MYOT: variants seen among roughly 807,000 people sequenced by gnomAD.
MYOT encodes myotilin.
Under a neutral mutation model 58.0 loss-of-function variants are expected in MYOT, and 36 were observed. The ratio of observed to expected loss-of-function variants is 0.62; its 90% confidence interval spans 0.48 to 0.82. The LOEUF (loss-of-function observed/expected upper bound fraction) is 0.82. MYOT is among the 40% of genes least tolerant of loss of function. The pLI, the probability that MYOT is intolerant of heterozygous loss-of-function variation, is 0.00. For synonymous variants in MYOT, 218 were observed against 204.6 expected (o/e 1.07, Z -0.56); for missense variants, 505 against 592.1 (o/e 0.85, Z 1.53).
chr5:137,886,447 C>T (rs542978635), intron 8 of MYOT, among the ~76,000 whole-genome samples: 2 of 152,076 alleles, frequency 1.3e-5, no homozygotes, highest in African/African-American at 2.4e-5. Flanking sequence ...TTTTTATCAA[C>T]GATGATGAAA....
Position 137,883,424 on chromosome 5 carries a change from A to C in MYOT, c.857A>C (p.Asn286Thr). 6.2e-7 allele frequency: 1 copy of C among 1,614,138 alleles called. No homozygotes were observed. Among genetic ancestry groups the C allele is most frequent in the Non-Finnish European group, 8.5e-7 (1 of 1,180,020 alleles). ...LPAPDVSWYL[N>T]GRTVQSDDLH... ...GCTCCTGATGTGTCATGGTATCTAA[A>C]TGGAAGAACAGTTCAATCAGATGAT... The change falls in exon 7 of 10, where the codon AAT (asparagine) becomes ACT (threonine). Residue 286 changes from asparagine (N) to threonine (T), a missense_variant. Coordinates refer to ENST00000239926, the MANE Select transcript of MYOT (RefSeq NM_006790.3).
Position 137,887,006 on chromosome 5 carries a change from T to A in MYOT, c.1324+9T>A. 6.2e-7 allele frequency: 1 copy of A among 1,612,128 alleles called. No homozygotes were observed. Among genetic ancestry groups the A allele is most frequent in the Non-Finnish European group, 8.5e-7 (1 of 1,178,180 alleles). On this transcript the variant is annotated intron_variant, in intron 9 of 9. Transcript: ENST00000239926. ...AAGATTAGACGTTACGGGTATGTCA[T>A]ACTATTAACCAAAGTATTATAAGGG...
chr5:137,881,785 C>T (rs187444942), intron 5 of MYOT, among the ~76,000 whole-genome samples, 188 bp from the exon 6 acceptor site: 28 of 152,178 alleles, frequency 1.8e-4, no homozygotes, highest in Admixed American at 1.5e-3. Flanking sequence ...CAACCTCCGC[C>T]TCCCGGGTTC....
intron 5 of MYOT, 25 bp downstream of exon 5, chr5:137,880,890 A>G (rs976303663): frequency 6.7e-7 from 1 of 1,493,604 alleles, no homozygotes; most frequent in Non-Finnish European, 9.3e-7. Context: ...TTTTAAAGAA[A>G]TGTATGTTTT....
chr5:137,873,881 AATG>A (rs957311791), intron 2 of MYOT, among the ~76,000 whole-genome samples: 2 of 152,198 alleles, frequency 1.3e-5, no homozygotes, highest in Non-Finnish European at 2.9e-5. Flanking sequence ...TAAATGATAT[AATG>A]ATAACAAATA....
Position 137,875,946 on chromosome 5 carries a change from T to A in MYOT, c.474T>A (p.Ile158=). The change falls in exon 3 of 10, where the codon ATT becomes ATA. Residue 158 remains isoleucine, a synonymous_variant. Transcript: ENST00000239926. ...HEIQGSKEAL[I]QDLERKLKCK... ...TACAAGGATCAAAAGAAGCTTTGAT[T>A]CAAGATTTGGAAAGAAAGCTGAAAT... The A allele has an allele frequency of 6.2e-7, 1 of 1,614,038 alleles. No individual in the cohort carries two copies. Among genetic ancestry groups the A allele is most frequent in the Non-Finnish European group, 8.5e-7 (1 of 1,179,956 alleles).
intron 6 of MYOT, among the ~76,000 whole-genome samples, chr5:137,882,484 T>C (rs1755469144): frequency 6.6e-6 from 1 of 152,066 alleles, no homozygotes; most frequent in South Asian, 2.1e-4. Flanking sequence ...GGTCTTGCTC[T>C]GTCACCCAGG....
rs1274774904 is a variant in MYOT at position 137,880,979 on chromosome 5, A to G, written c.683+114A>G. On this transcript the variant is annotated intron_variant, in intron 5 of 9. Coordinates refer to ENST00000239926, the MANE Select transcript of MYOT (RefSeq NM_006790.3). ...CTACTCTATACCTTTTGAAAAATAC[A>G]ATGTGTATTTTCTAATGTCTGAGAA... is the stretch of plus-strand genomic sequence containing the variant. 4 of 772,544 alleles carry G rather than the reference A, an allele frequency of 5.2e-6. No individual in the cohort carries two copies. The Admixed American group carries it at 7.7e-5, about 15-fold the overall frequency. 47.9% of individuals were successfully genotyped at this position (772,544 alleles called of 1,614,324 possible).
intron 3 of MYOT, chr5:137,876,319 T>C: frequency 2.8e-6 from 1 of 360,458 alleles, no homozygotes; most frequent in Non-Finnish European, 5.2e-6. Flanking sequence ...GTCAACTTAG[T>C]GTACTTTGAT....
intron 8 of MYOT, 76 bp downstream of exon 8, chr5:137,886,289 T>C (rs1160276763): frequency 9.6e-7 from 1 of 1,042,236 alleles, no homozygotes; most frequent in Non-Finnish European, 1.4e-6. Context: ...GCATTATAAA[T>C]GGCATGCATT....
At chr5:137,870,228 G>T (rs969259505) in intron 1 of MYOT, among the ~76,000 whole-genome samples, 1 of 151,202 alleles carries the variant, frequency 6.6e-6, no homozygotes, top group Admixed American at 6.6e-5. Flanking sequence ...TGGAAGGATC[G>T]CTTGTGCCCA....
chr5:137,887,287 A>G lies in MYOT; in HGVS notation c.1399A>G (p.Asn467Asp). Residue 467 changes from asparagine to aspartate, a missense_variant, in exon 10 of 10, where the codon AAT becomes GAT. Physicochemically the swap from Asn to Asp is conservative, Grantham distance 23 (BLOSUM62 1). Coordinates refer to ENST00000239926, the MANE Select transcript of MYOT (RefSeq NM_006790.3). ...RPTFSKYLALNGKGLNVKQAF... is the reference protein window; with the variant it reads ...RPTFSKYLALDGKGLNVKQAF... ...AACATTCAGCAAATATTTAGCACTT[A>G]ATGGGAAAGGTTTGAATGTAAAACA... The G allele has an allele frequency of 1.2e-6, 2 of 1,614,040 alleles. No homozygotes were observed. Among genetic ancestry groups the G allele is most frequent in the Non-Finnish European group, 1.7e-6 (2 of 1,179,980 alleles).
rs372057558 is a variant in MYOT at position 137,882,031 on chromosome 5, T to C, written c.742T>C (p.Tyr248His). Residue 248 changes from tyrosine (Y) to histidine (H), a missense_variant, in exon 6 of 10, where the codon TAC becomes CAC. Coordinates refer to ENST00000239926, the MANE Select transcript of MYOT (RefSeq NM_006790.3). ...TCAGGATGCAATCCAGGAGAAATTT[T>C]ACCCACCACGTTTCATTCAAGTGCC... ...NDQDAIQEKF[Y>H]PPRFIQVPEN... 3 of 1,614,036 alleles carry C rather than the reference T, an allele frequency of 1.9e-6. No individual in the cohort carries two copies. The highest frequency in any genetic ancestry group is 2.7e-5 in the African/African-American group (2 of 74,946).
In MYOT at chr5:137,883,558, G is replaced by A. The variant is rs753957205; in HGVS notation, c.991G>A (p.Glu331Lys). ...ATGTGTTGCCAAGAATAGAGCAGGA[G>A]AAGCCACCTTCACTGTGCAGCTGGA... ...YACVAKNRAG[E>K]ATFTVQLDVL... The change falls in exon 7 of 10, where the codon GAA becomes AAA. Residue 331 changes from glutamate (E) to lysine (K), a missense_variant. Transcript: ENST00000239926. 3 of 1,614,164 alleles carry A rather than the reference G, an allele frequency of 1.9e-6. No homozygotes were observed. The highest frequency in any genetic ancestry group is 2.5e-6 in the Non-Finnish European group (3 of 1,180,014).
intron 6 of MYOT, chr5:137,882,679 G>A (rs1309267452): frequency 2.5e-5 from 4 of 161,646 alleles, no homozygotes; most frequent in South Asian, 1.8e-4. Flanking sequence ...GATTACAGGC[G>A]TGAGCCACTG....
In MYOT at chr5:137,887,476, A is replaced by G; in HGVS notation, c.*91A>G. ...GAAATTAATCCATAGCTGTATTAAC[A>G]GATTATGGTTTTAATTAGGTAATAT... On this transcript the variant is annotated 3_prime_UTR_variant, in exon 10 of 10. Transcript: ENST00000239926. 1 of 1,227,684 alleles carries G rather than the reference A, an allele frequency of 8.1e-7. No individual in the cohort carries two copies. Among genetic ancestry groups the G allele is most frequent in the Non-Finnish European group, 1.2e-6 (1 of 853,176 alleles). 76.0% of individuals were successfully genotyped at this position (1,227,684 alleles called of 1,614,324 possible).
chr5:137,877,756 A>G, intron 4 of MYOT, 135 bp downstream of exon 4: 1 of 692,160 alleles, frequency 1.4e-6, no homozygotes, highest in Non-Finnish European at 2.6e-6. Flanking sequence ...TAAAGAGGCC[A>G]TGATAAACAT....
chr5:137,875,674 A>T (rs552161959), intron 2 of MYOT, among the ~76,000 whole-genome samples, 155 bp from the exon 3 acceptor site: 8 of 152,190 alleles, frequency 5.3e-5, no homozygotes, highest in Non-Finnish European at 7.3e-5. Context: ...AAAGATAGTA[A>T]CCATTCTTAT....
At position 137,875,917 on chromosome 5, in the gene MYOT, G is replaced by T; in HGVS notation, c.445G>T (p.Glu149Ter). Residue 149 changes from glutamate (E) to a stop codon, truncating the protein, a stop_gained, in exon 3 of 10, where the codon GAA becomes TAA. Coordinates refer to ENST00000239926, the MANE Select transcript of MYOT (RefSeq NM_006790.3). LOFTEE classifies it high-confidence loss of function. ...AKPIPRTPDH[E>*]IQGSKEALIQ... The stretch of plus-strand genomic sequence containing the variant: ...GCCCATACCAAGAACTCCTGATCAT[G>T]AAATACAAGGATCAAAAGAAGCTTT... 6.2e-7 allele frequency: 1 copy of T among 1,614,074 alleles called. No homozygotes were observed. Among genetic ancestry groups the T allele is most frequent in the Non-Finnish European group, 8.5e-7 (1 of 1,179,976 alleles).
Sources: allele counts gnomAD v4.1 joint callset (sites outside exome capture counted in the v4.1 genomes callset), GRCh38; gene constraint gnomAD v4.1.1; transcripts MANE v1.5; gene names NCBI Gene and HGNC (gene_info 2026-07-23, HGNC 2026-07-21).